Variants in SCHIP1 observed in about 807,000 individuals in gnomAD.
The protein encoded by SCHIP1 is schwannomin-interacting protein 1.
SCHIP1 carries 8 observed loss-of-function variants against 29.7 expected under a neutral mutation model. That is an observed-to-expected ratio of 0.27 (90% CI 0.16 to 0.49). SCHIP1 has a LOEUF of 0.49. Among genes scored for constraint, SCHIP1 ranks in the 20% least tolerant of loss-of-function variants. The probability of loss-of-function intolerance (pLI) is 0.99; values close to 1 mark genes in which losing one functional copy is unlikely to be tolerated. For missense variants in SCHIP1, 193 were observed against 294.6 expected, an observed-to-expected ratio of 0.66 and a Z score of 2.52; for synonymous variants, 76 against 94.9, an observed-to-expected ratio of 0.80 and a Z score of 1.16.
the SCHIP1 span, among the ~76,000 whole-genome samples, chr3:159,792,017 C>T: frequency 6.6e-6 from 1 of 151,900 alleles, no homozygotes; most frequent in Non-Finnish European, 1.5e-5. Context: ...CGTGTGTGCC[C>T]ATAATAATTA....
At chr3:159,482,712 T>C in the SCHIP1 span, among the ~76,000 whole-genome samples, 1 of 152,140 alleles carries the variant, frequency 6.6e-6, no homozygotes, top group Admixed American at 6.6e-5. Context: ...ATCTCCTACC[T>C]CTGAAATGCA....
the SCHIP1 span, among the ~76,000 whole-genome samples, chr3:159,490,329 T>C: frequency 2.0e-5 from 3 of 152,254 alleles, no homozygotes; most frequent in Admixed American, 1.3e-4. Flanking sequence ...AGGCTAACTT[T>C]TTCTTAGATC....
At chr3:159,480,128 A>G in the SCHIP1 span, among the ~76,000 whole-genome samples, 4 of 152,206 alleles carry the variant, frequency 2.6e-5, no homozygotes, top group Non-Finnish European at 5.9e-5. Context: ...ATCCTTGGAT[A>G]TGGCACATTT....
the SCHIP1 span, among the ~76,000 whole-genome samples, chr3:159,801,786 T>C: frequency 6.6e-6 from 1 of 152,160 alleles, no homozygotes; most frequent in Non-Finnish European, 1.5e-5. Flanking sequence ...TTATAATCAC[T>C]TTTTCTTTCT....
the SCHIP1 span, among the ~76,000 whole-genome samples, chr3:159,509,582 G>C: frequency 6.6e-5 from 10 of 152,238 alleles, no homozygotes; most frequent in African/African-American, 2.4e-4. Flanking sequence ...TTACAATTTG[G>C]CATGTTTTTG....
At chr3:159,430,107 A>G in the SCHIP1 span, among the ~76,000 whole-genome samples, 1 of 152,156 alleles carries the variant, frequency 6.6e-6, no homozygotes, top group African/African-American at 2.4e-5. Flanking sequence ...AATGACACTT[A>G]GATTTGTAAA....
At chr3:159,806,891 C>A in the SCHIP1 span, among the ~76,000 whole-genome samples, 1 of 152,190 alleles carries the variant, frequency 6.6e-6, no homozygotes, top group African/African-American at 2.4e-5. Context: ...AAAAATCAAT[C>A]ATTGAAAAGG....
At chr3:159,491,491 G>A in the SCHIP1 span, among the ~76,000 whole-genome samples, 7 of 152,170 alleles carry the variant, frequency 4.6e-5, no homozygotes, top group Non-Finnish European at 8.8e-5. Context: ...CTAGGCCCAC[G>A]GAGCTTCCCT....
At chr3:159,285,697 A>T in the SCHIP1 span, among the ~76,000 whole-genome samples, 8 of 152,138 alleles carry the variant, frequency 5.3e-5, no homozygotes, top group South Asian at 2.1e-4. Flanking sequence ...CAGATGTGTA[A>T]TAATAATACA....
At chr3:159,590,074 C>A in the SCHIP1 span, among the ~76,000 whole-genome samples, 2 of 152,220 alleles carry the variant, frequency 1.3e-5, no homozygotes, top group African/African-American at 4.8e-5. Flanking sequence ...CTAAATCTCG[C>A]AGCCCTGGGA....
At chr3:159,626,941 T>G in the SCHIP1 span, among the ~76,000 whole-genome samples, 1 of 152,188 alleles carries the variant, frequency 6.6e-6, no homozygotes, top group South Asian at 2.1e-4. Context: ...GCTATACATG[T>G]GCCATGGTGG....
the SCHIP1 span, among the ~76,000 whole-genome samples, chr3:159,475,870 G>A: frequency 6.6e-6 from 1 of 152,152 alleles, no homozygotes; most frequent in African/African-American, 2.4e-5. Flanking sequence ...GTTATGGCAG[G>A]AGTTGAAGCT....
chr3:159,290,158 T>C, the SCHIP1 span, among the ~76,000 whole-genome samples: 3 of 152,306 alleles, frequency 2.0e-5, no homozygotes, highest in Admixed American at 6.5e-5. Flanking sequence ...GGATAACACA[T>C]AATACAACAT....
At chr3:159,887,667 G>A (rs781774987) in intron 3 of SCHIP1, 41 bp from the exon 5 acceptor site, 21 of 1,609,578 alleles carry the variant, frequency 1.3e-5, no homozygotes, top group Middle Eastern at 3.4e-4. Flanking sequence ...ATGCTAGCTG[G>A]CATGCATGGA....
chr3:159,728,214 C>T, the SCHIP1 span, among the ~76,000 whole-genome samples: 1,065 of 152,222 alleles, frequency 7.0e-3, 8 homozygotes, highest in Non-Finnish European at 0.012. Context: ...TTTTCACCAT[C>T]ATTCTGGGAG....
chr3:159,623,908 G>T, the SCHIP1 span, among the ~76,000 whole-genome samples: 1 of 152,120 alleles, frequency 6.6e-6, no homozygotes, highest in Non-Finnish European at 1.5e-5. Context: ...CTAAGTCCAT[G>T]ATAAAAGGTG....
At chr3:159,822,495 A>C in the SCHIP1 span, among the ~76,000 whole-genome samples, 2 of 151,806 alleles carry the variant, frequency 1.3e-5, no homozygotes, top group African/African-American at 4.8e-5. Context: ...GTTGTTGGTA[A>C]TGGCAAAATA....
the SCHIP1 span, chr3:159,273,731 AC>A: frequency 2.1e-5 from 33 of 1,562,192 alleles, no homozygotes; most frequent in Non-Finnish European, 2.6e-5. Context: ...TTACTAGCTA[AC>A]CCAGGTGACC....
At chr3:159,405,059 G>A in the SCHIP1 span, among the ~76,000 whole-genome samples, 1 of 152,150 alleles carries the variant, frequency 6.6e-6, no homozygotes, top group African/African-American at 2.4e-5. Flanking sequence ...GAGTCTGTAG[G>A]AGCCACTCCA....
Sources: gnomAD v4.1 joint callset for allele counts (sites outside exome capture counted in the v4.1 genomes callset) on GRCh38, gnomAD v4.1.1 for gene constraint, MANE v1.5 for transcripts, NCBI Gene and HGNC (gene_info 2026-07-23, HGNC 2026-07-21) for gene names.